The following POC1A variants were observed in gnomAD, a reference collection of about 807,000 sequenced individuals.
POC1A encodes POC1 centriolar protein homolog A.
Under a neutral mutation model 47.8 loss-of-function variants are expected in POC1A, and 34 were observed. That is an observed-to-expected ratio of 0.71 (90% confidence interval 0.54 to 0.95). The LOEUF is 0.95. Ranked by LOEUF, POC1A falls within the 40% of genes least tolerant of loss-of-function variation. The probability of loss-of-function intolerance (pLI) is 0.00; values close to 1 mark genes in which losing one functional copy is unlikely to be tolerated. For synonymous variants in POC1A, 177 were observed against 207.6 expected, an observed-to-expected ratio of 0.85 and a Z score of 1.27; for missense variants, 466 against 528.3, an observed-to-expected ratio of 0.88 and a Z score of 1.16.
At chr3:52,117,959 G>T (rs879758377) in intron 9 of POC1A, among the ~76,000 whole-genome samples, 2 of 152,242 alleles carry the variant, frequency 1.3e-5, no homozygotes, top group African/African-American at 4.8e-5. Context: ...GGGTCTTTAT[G>T]CCTCGGGGTC....
chr3:52,150,856 C>A (rs538159585), intron 2 of POC1A, among the ~76,000 whole-genome samples, 160 bp downstream of exon 2: 1 of 152,102 alleles, frequency 6.6e-6, no homozygotes, highest in Non-Finnish European at 1.5e-5. Context: ...CTCATGAAGC[C>A]CAGTGCCCAA....
At chr3:52,138,411 C>T (rs1577906792) in intron 6 of POC1A, 109 bp from the exon 7 acceptor site, 1 of 1,172,116 alleles carries the variant, frequency 8.5e-7, no homozygotes, top group East Asian at 2.6e-5. Flanking sequence ...CCTGATGGGG[C>T]TGGGTCAGGA....
chr3:52,076,427 T>C (rs1022106359), intron 10 of POC1A, among the ~76,000 whole-genome samples: 1 of 152,136 alleles, frequency 6.6e-6, no homozygotes, highest in Non-Finnish European at 1.5e-5. Flanking sequence ...GTGAGAAAAT[T>C]GCACCCACAA....
intron 7 of POC1A, among the ~76,000 whole-genome samples, chr3:52,132,205 A>G (rs1335718335): frequency 6.6e-6 from 1 of 152,146 alleles, no homozygotes; most frequent in African/African-American, 2.4e-5. Flanking sequence ...GTCTTGCCCA[A>G]TGTCACATAA....
chr3:52,087,694 C>T (rs541171178), intron 10 of POC1A, among the ~76,000 whole-genome samples: 3 of 152,288 alleles, frequency 2.0e-5, no homozygotes, highest in Admixed American at 1.3e-4. Flanking sequence ...CTCTCTTTTC[C>T]ATATCACTCT....
chr3:52,123,441 A>C (rs1703871501), intron 8 of POC1A, among the ~76,000 whole-genome samples: 1 of 152,180 alleles, frequency 6.6e-6, no homozygotes, highest in African/African-American at 2.4e-5. Context: ...AAACCACCGT[A>C]TCCACACAAG....
intron 8 of POC1A, among the ~76,000 whole-genome samples, chr3:52,123,414 C>T (rs1384890056): frequency 6.7e-6 from 1 of 149,658 alleles, no homozygotes; most frequent in Non-Finnish European, 1.5e-5. Context: ...GGCCAGTGGT[C>T]ACCTGAGGCC....
At chr3:52,145,325 C>A (rs1698327726) in intron 6 of POC1A, among the ~76,000 whole-genome samples, 1 of 152,198 alleles carries the variant, frequency 6.6e-6, no homozygotes. Flanking sequence ...TGGGCCTGGC[C>A]CCTAGCTAAG....
chr3:52,131,034 C>T (rs954851708), intron 7 of POC1A, among the ~76,000 whole-genome samples: 40 of 134,274 alleles, frequency 3.0e-4, no homozygotes, highest in African/African-American at 9.7e-4. Context: ...GGGAGGGTGG[C>T]GGGGGCGCAT....
At chr3:52,083,802 A>G (rs562728235) in intron 10 of POC1A, among the ~76,000 whole-genome samples, 1 of 152,008 alleles carries the variant, frequency 6.6e-6, no homozygotes, top group African/African-American at 2.4e-5. Context: ...GAGAGCATCA[A>G]CTCTGACAGG....
chr3:52,136,566 G>A (rs992710579), intron 7 of POC1A, among the ~76,000 whole-genome samples: 1 of 152,202 alleles, frequency 6.6e-6, no homozygotes, highest in Non-Finnish European at 1.5e-5. Context: ...GAGGTCGTTG[G>A]TTCGTTTCTC....
intron 9 of POC1A, among the ~76,000 whole-genome samples, chr3:52,101,073 C>T (rs560615151): frequency 2.0e-5 from 3 of 148,708 alleles, no homozygotes; most frequent in Non-Finnish European, 1.5e-5. Context: ...GACAACAGGG[C>T]CCACCCCAAC....
Position 52,151,505 on chromosome 3 carries a change from G to A in POC1A, c.19-405C>T, listed in dbSNP as rs150290427. On this transcript the variant is annotated intron_variant, in intron 1 of 10. Coordinates refer to ENST00000296484, the MANE Select transcript of POC1A (RefSeq NM_015426.5). ...AGGCGCCTATAATCCCAGTTACTCAGGAGGCTGACGCAGGAGAATGGTGTG... is the reference window on the plus strand; with the variant it reads ...AGGCGCCTATAATCCCAGTTACTCAAGAGGCTGACGCAGGAGAATGGTGTG... Among the ~76,000 whole-genome samples the A allele has an allele frequency of 1.9e-3, 290 of 151,848 alleles. 2 individuals carry two copies. Among genetic ancestry groups the A allele is most frequent in the African/African-American group, 6.5e-3 (269 of 41,486 alleles).
In POC1A at chr3:52,094,690, C is replaced by T. The variant is rs147273175; in HGVS notation, c.1125+1879G>A. 1.6e-3 allele frequency among the ~76,000 whole-genome samples: 246 copies of T among 152,368 alleles called. 1 individual carries two copies. The highest frequency in any genetic ancestry group is 5.6e-3 in the African/African-American group (232 of 41,588). ...CATTGAGTCCGTCAAGAACATGCCT[C>T]GCTTTATGGCATCCAGAAACACACA... On this transcript the variant is annotated intron_variant, in intron 10 of 10. Transcript: ENST00000296484.
chr3:52,138,381 C>A, intron 6 of POC1A, 79 bp from the exon 7 acceptor site: 1 of 1,465,014 alleles, frequency 6.8e-7, no homozygotes, highest in Non-Finnish European at 9.3e-7. Flanking sequence ...CAATCAGGGC[C>A]AATCGAGGCT....
At chr3:52,131,082 C>T (rs1056792839) in intron 7 of POC1A, among the ~76,000 whole-genome samples, 2 of 152,176 alleles carry the variant, frequency 1.3e-5, no homozygotes, top group African/African-American at 4.8e-5. Flanking sequence ...CAGCGACATG[C>T]ACACCAACTG....
rs1189066413 is a variant in POC1A at position 52,084,487 on chromosome 3, C to T, written c.1126-8502G>A. 6.6e-6 allele frequency among the ~76,000 whole-genome samples: 1 copy of T among 152,222 alleles called. No individual in the cohort carries two copies. Among genetic ancestry groups the T allele is most frequent in the Non-Finnish European group, 1.5e-5 (1 of 68,040 alleles). ...AACAAGGGACCCTAGCTCTTGGGGG[C>T]TTCCGAGCACTGACACAGCTGCAGC... On this transcript the variant is annotated intron_variant, in intron 10 of 10. Transcript: ENST00000296484. This position sits in a 1 kb window ranked among gnomAD's most constrained non-coding sequence, Gnocchi z 4.3.
At chr3:52,133,945 T>C (rs1302956394) in intron 7 of POC1A, among the ~76,000 whole-genome samples, 1 of 152,196 alleles carries the variant, frequency 6.6e-6, no homozygotes, top group Non-Finnish European at 1.5e-5. Context: ...TAAGATGCAG[T>C]AGCCCTCTCT....
chr3:52,098,320 T>C (rs1702888156), intron 9 of POC1A, among the ~76,000 whole-genome samples: 1 of 152,210 alleles, frequency 6.6e-6, no homozygotes, highest in African/African-American at 2.4e-5. Context: ...GGCCAGAGTC[T>C]GGTGCTGCTG....
Sources: gnomAD v4.1 joint callset for allele counts (sites outside exome capture counted in the v4.1 genomes callset) on GRCh38, gnomAD v4.1.1 for gene constraint, Gnocchi (gnomAD v3.1) non-coding constraint, MANE v1.5 for transcripts, NCBI Gene and HGNC (gene_info 2026-07-23, HGNC 2026-07-21) for gene names.